The following ADAM2 variants were observed in gnomAD, a reference collection of about 807,000 sequenced individuals.
ADAM2 encodes the protein ADAM metallopeptidase domain 2, also known as disintegrin and metalloproteinase domain-containing protein 2.
Under a neutral mutation model 99.3 loss-of-function variants are expected in ADAM2, and 101 were observed. The ratio of observed to expected loss-of-function variants is 1.02; its 90% CI spans 0.87 to 1.20. The LOEUF (loss-of-function observed/expected upper bound fraction) is 1.20. Among genes scored for constraint, ADAM2 ranks in the 50% most tolerant of loss-of-function variants. ADAM2 has a pLI of 0.00. For synonymous variants in ADAM2, 323 were observed against 287.6 expected (o/e 1.12, Z -1.25); for missense variants, 948 against 878.7 (o/e 1.08, Z -1.00).
intron 11 of ADAM2, among the ~76,000 whole-genome samples, chr8:39,775,411 G>A (rs1278309868): frequency 6.6e-6 from 1 of 151,992 alleles, no homozygotes; most frequent in Non-Finnish European, 1.5e-5. Flanking sequence ...CGTTCACCAA[G>A]TATCCAAGCT....
At chr8:39,819,940 G>A (rs928768491) in intron 6 of ADAM2, among the ~76,000 whole-genome samples, 4 of 152,126 alleles carry the variant, frequency 2.6e-5, no homozygotes, top group Non-Finnish European at 5.9e-5. Context: ...AATCTTAAGC[G>A]GACATCTTCT....
chr8:39,820,926 AT>A, intron 6 of ADAM2, 75 bp downstream of exon 6: 1 of 957,998 alleles, frequency 1.0e-6, no homozygotes, highest in Non-Finnish European at 1.5e-6. Flanking sequence ...TAAATATGTA[AT>A]TTATCAACTA....
At chr8:39,834,043 AT>A in intron 2 of ADAM2, 44 bp from the exon 3 acceptor site, 1 of 1,062,156 alleles carries the variant, frequency 9.4e-7, no homozygotes, top group Non-Finnish European at 1.4e-6. Flanking sequence ...ATGAAAAAAA[AT>A]GTTAGAAGGG....
intron 14 of ADAM2, among the ~76,000 whole-genome samples, chr8:39,762,796 A>G (rs1185528744): frequency 1.3e-5 from 2 of 152,164 alleles, no homozygotes; most frequent in Non-Finnish European, 2.9e-5. Context: ...CAGCCCCACA[A>G]TCTGATCAGC....
intron 6 of ADAM2, 38 bp downstream of exon 6, chr8:39,820,964 T>G: frequency 2.9e-6 from 4 of 1,357,618 alleles, no homozygotes; most frequent in Non-Finnish European, 4.0e-6. Flanking sequence ...CATTGCTGTA[T>G]AGTAATAACC....
At chr8:39,821,437 A>G (rs528337249) in intron 5 of ADAM2, 149 bp downstream of exon 5, 5 of 642,366 alleles carry the variant, frequency 7.8e-6, no homozygotes, top group Middle Eastern at 4.2e-4. Flanking sequence ...AGGAGCCATC[A>G]TAAGTATTTC....
intron 12 of ADAM2, among the ~76,000 whole-genome samples, chr8:39,767,567 T>C (rs1053917666): frequency 6.6e-6 from 1 of 152,170 alleles, no homozygotes; most frequent in Non-Finnish European, 1.5e-5. Flanking sequence ...GATAGTTAAA[T>C]ACAAGACGTA....
At position 39,812,316 on chromosome 8, in the gene ADAM2, GGAAGAATCAATATT is replaced by G. The variant is rs1313487083; in HGVS notation, c.514-2864_514-2851del. Among the ~76,000 whole-genome samples, 10 of 152,292 alleles carry G rather than the reference GGAAGAATCAATATT, an allele frequency of 6.6e-5. No homozygotes were observed. The East Asian group carries it at 1.9e-3, about 29-fold the overall frequency. Reference sequence around the variant, plus strand: ...GAAGAACATTCCATGCTCATGGATAGGAAGAATCAATATTGTGAAAATGACCATACTGCTGAAGG... The same window carrying G: ...GAAGAACATTCCATGCTCATGGATAGGTGAAAATGACCATACTGCTGAAGG... On this transcript the variant is annotated intron_variant, in intron 6 of 20. Transcript: ENST00000265708.
intron 4 of ADAM2, among the ~76,000 whole-genome samples, chr8:39,821,971 T>C (rs146281206): frequency 5.5e-4 from 84 of 152,314 alleles, no homozygotes; most frequent in African/African-American, 1.7e-3. Flanking sequence ...TGTTGCATGG[T>C]AGATAAGCAA....
At chr8:39,799,490 C>T (rs541943065) in intron 7 of ADAM2, among the ~76,000 whole-genome samples, 1 of 152,276 alleles carries the variant, frequency 6.6e-6, no homozygotes, top group African/African-American at 2.4e-5. Flanking sequence ...CCATGTGGCA[C>T]TGCAAAGAAT....
At chr8:39,757,802 T>C (rs973160593) in intron 15 of ADAM2, among the ~76,000 whole-genome samples, 2 of 152,118 alleles carry the variant, frequency 1.3e-5, no homozygotes, top group Non-Finnish European at 2.9e-5. Context: ...TATTATATGA[T>C]ACAAAGTTAA....
chr8:39,815,947 T>C (rs1365512256), intron 6 of ADAM2, among the ~76,000 whole-genome samples: 1 of 152,082 alleles, frequency 6.6e-6, no homozygotes, highest in Non-Finnish European at 1.5e-5. Flanking sequence ...AGATATCAGT[T>C]CACACATAAT....
At chr8:39,814,184 C>G (rs1804832160) in intron 6 of ADAM2, among the ~76,000 whole-genome samples, 1 of 151,868 alleles carries the variant, frequency 6.6e-6, no homozygotes, top group Non-Finnish European at 1.5e-5. Flanking sequence ...ATGGCAAAAC[C>G]CTGTCTCTAC....
chr8:39,778,983 C>A (rs1202923957), intron 10 of ADAM2, among the ~76,000 whole-genome samples: 2 of 152,020 alleles, frequency 1.3e-5, no homozygotes, highest in African/African-American at 4.8e-5. Context: ...AGTGATTTCA[C>A]TTTAGGCATT....
intron 14 of ADAM2, among the ~76,000 whole-genome samples, chr8:39,765,713 C>G (rs963199409): frequency 2.0e-5 from 3 of 152,172 alleles, no homozygotes; most frequent in Non-Finnish European, 2.9e-5. Context: ...TTTCCCAGGA[C>G]AACACTTTTT....
intron 3 of ADAM2, among the ~76,000 whole-genome samples, chr8:39,829,337 A>G (rs981438310): frequency 1.1e-4 from 17 of 152,102 alleles, no homozygotes; most frequent in African/African-American, 3.8e-4. Context: ...TTTGACAAAG[A>G]ACAAATGTCT....
intron 6 of ADAM2, among the ~76,000 whole-genome samples, chr8:39,813,029 G>A (rs1461697692): frequency 1.3e-5 from 2 of 152,146 alleles, no homozygotes; most frequent in African/African-American, 4.8e-5. Flanking sequence ...ATCTGACAAA[G>A]GGTTAATATC....
rs769579218 is a variant in ADAM2, at chr8:39,788,745, A to G, written c.571-5T>C. ...ATCAGACCCCATATGATTATACTGT[A>G]AAATATTATTACATTTTAGATATAA... On this transcript the variant is annotated splice_region_variant and splice_polypyrimidine_tract_variant and intron_variant, in intron 7 of 20. Coordinates refer to ENST00000265708, the MANE Select transcript of ADAM2 (RefSeq NM_001464.5). The G allele has an allele frequency of 4.9e-6, 7 of 1,442,988 alleles. No homozygotes were observed. Among genetic ancestry groups the G allele is most frequent in the Non-Finnish European group, 6.6e-6 (7 of 1,066,564 alleles). 89.4% of individuals were successfully genotyped at this position (1,442,988 alleles called of 1,614,324 possible).
intron 15 of ADAM2, among the ~76,000 whole-genome samples, chr8:39,756,653 C>T (rs1053644773): frequency 2.0e-5 from 3 of 152,158 alleles, no homozygotes; most frequent in Non-Finnish European, 4.4e-5. Context: ...TAAATGTCTT[C>T]AAGCAATTTT....
Sources: allele counts gnomAD v4.1 joint callset (sites outside exome capture counted in the v4.1 genomes callset), GRCh38; gene constraint gnomAD v4.1.1; transcripts MANE v1.5; gene names NCBI Gene and HGNC (gene_info 2026-07-23, HGNC 2026-07-21).